RECQL5: variants seen among roughly 807,000 people sequenced by gnomAD.
RECQL5 encodes ATP-dependent DNA helicase Q5.
RECQL5 carries 88 observed loss-of-function variants against 103.4 expected under a neutral mutation model. That is an observed-to-expected ratio of 0.85 (90% confidence interval 0.72 to 1.02). The LOEUF is 1.02. RECQL5 is among the 50% of genes least tolerant of loss of function. The probability of loss-of-function intolerance (pLI) is 0.00; values close to 1 mark genes in which losing one functional copy is unlikely to be tolerated. For synonymous variants in RECQL5, 552 were observed against 507.9 expected, an observed-to-expected ratio of 1.09 and a Z score of -1.17; for missense variants, 1,232 against 1,284.3, an observed-to-expected ratio of 0.96 and a Z score of 0.62.
At chr17:75,644,239 A>T (rs1312539324) in intron 8 of RECQL5, among the ~76,000 whole-genome samples, 3 of 152,162 alleles carry the variant, frequency 2.0e-5, no homozygotes, top group African/African-American at 7.2e-5. Context: ...CAGGAGGCAG[A>T]GGTTGCAGTG....
chr17:75,637,004 CTT>C (rs2059336012), intron 8 of RECQL5: 4 of 152,280 alleles, frequency 2.6e-5, no homozygotes, highest in Non-Finnish European at 4.4e-5. Flanking sequence ...GGAACTGACA[CTT>C]TTCCCCGCTG....
rs200429994 is a variant in RECQL5, at chr17:75,629,248, C to T, written c.2175G>A (p.Gly725=). 5.5e-5 allele frequency: 88 copies of T among 1,611,958 alleles called. No individual in the cohort carries two copies. In the East Asian group the frequency reaches 1.8e-3, roughly 34 times the overall value. ...TTTTTGCCTTCTTCTCAGGGGAGGGCCCCCCATAGTGAGCGCTGCCTCCAG... is the reference window on the plus strand; with the variant it reads ...TTTTTGCCTTCTTCTCAGGGGAGGGTCCCCCATAGTGAGCGCTGCCTCCAG... The part of the protein sequence containing the change: ...EVPGGSAHYG[G]PSPEKKAKSS... Residue 725 remains glycine, a synonymous_variant, in exon 16 of 20, where the codon GGG becomes GGA. Coordinates refer to ENST00000317905, the MANE Select transcript of RECQL5 (RefSeq NM_004259.7).
At chr17:75,663,433 G>C (rs2059725639) in intron 3 of RECQL5, among the ~76,000 whole-genome samples, 1 of 151,972 alleles carries the variant, frequency 6.6e-6, no homozygotes, top group Admixed American at 6.6e-5. Flanking sequence ...TGAAAAAACA[G>C]TTTTGGCTGA....
At chr17:75,650,595 G>T in intron 8 of RECQL5, 1 of 1,591,588 alleles carries the variant, frequency 6.3e-7, no homozygotes, top group South Asian at 1.1e-5. Context: ...GAGCTTTTTA[G>T]ACCAAAATGT....
At position 75,628,369 on chromosome 17, in the gene RECQL5, C is replaced by A; in HGVS notation, c.2654G>T (p.Gly885Val). 1.2e-6 allele frequency: 2 copies of A among 1,614,078 alleles called. No individual in the cohort carries two copies. Among genetic ancestry groups the A allele is most frequent in the Non-Finnish European group, 1.7e-6 (2 of 1,180,036 alleles). The stretch of plus-strand genomic sequence containing the variant: ...GCCCTGTTCGCTGGCCGAGACGCTG[C>A]CCTTGACCTCAGCTACGACGGAGGG... ...AKPSVVAEVK[G>V]SVSASEQGTL... The change falls in exon 18 of 20, where the codon GGC (glycine) becomes GTC (valine). Residue 885 changes from glycine (G) to valine (V), a missense_variant. Transcript: ENST00000317905.
intron 8 of RECQL5, chr17:75,639,925 G>A: frequency 5.4e-6 from 2 of 367,924 alleles, no homozygotes; most frequent in East Asian, 4.7e-5. Context: ...CGCCGCCTTG[G>A]CCGGCAGCCC....
Position 75,627,146 on chromosome 17 carries a change from C to T in RECQL5, c.*276G>A. 5.3e-6 allele frequency: 3 copies of T among 569,016 alleles called. No homozygotes were observed. The highest frequency in any genetic ancestry group is 3.3e-6 in the Non-Finnish European group (1 of 300,420). The allele number at this position is 569,016 out of a possible 1,614,324, so 35.2% of individuals were successfully genotyped here. ...CTTCCCCTTCTTCCAGCAGCAGCTCCACCACCCTCCACCTTCTGTCCTCGA... is the reference window on the plus strand; with the variant it reads ...CTTCCCCTTCTTCCAGCAGCAGCTCTACCACCCTCCACCTTCTGTCCTCGA... On this transcript the variant is annotated 3_prime_UTR_variant, in exon 20 of 20. Transcript: ENST00000317905.
rs562446428 is a variant in RECQL5 at position 75,651,370 on chromosome 17, C to A, written c.1150-105G>T. 1.1e-5 allele frequency: 15 copies of A among 1,331,036 alleles called. No homozygotes were observed. In the East Asian group the frequency reaches 3.5e-4, roughly 31 times the overall value. 82.5% of individuals were successfully genotyped at this position (1,331,036 alleles called of 1,614,324 possible). ...AGTGCGGTGGCTCACGGCTGTAATC[C>A]CAGCACTTTGGGAGGCTGAGCCAGG... On this transcript the variant is annotated intron_variant, in intron 7 of 19. Transcript: ENST00000317905.
chr17:75,654,845 T>A (rs2059596732), intron 7 of RECQL5, among the ~76,000 whole-genome samples: 1 of 152,132 alleles, frequency 6.6e-6, no homozygotes, highest in Non-Finnish European at 1.5e-5. Context: ...CAGGTTGGAG[T>A]GCAATGGTAT....
chr17:75,655,435 C>T (rs2059606485), intron 7 of RECQL5, among the ~76,000 whole-genome samples: 1 of 147,962 alleles, frequency 6.8e-6, no homozygotes, highest in Non-Finnish European at 1.5e-5. Context: ...GCAATCTGGG[C>T]TCACTGCAAG....
At chr17:75,639,742 G>C (rs1291615932) in intron 8 of RECQL5, 1 of 155,346 alleles carries the variant, frequency 6.4e-6, no homozygotes, top group Non-Finnish European at 1.4e-5. Context: ...GCTCTCGGGA[G>C]AACCTGCTCC....
chr17:75,648,854 T>TG (rs1485075539), intron 8 of RECQL5: 2 of 148,856 alleles, frequency 1.3e-5, no homozygotes, highest in African/African-American at 2.5e-5. Context: ...GTTTTTTGGT[T>TG]TTTTTTTTTT....
At chr17:75,663,343 C>T (rs1303423083) in intron 3 of RECQL5, among the ~76,000 whole-genome samples, 1 of 151,784 alleles carries the variant, frequency 6.6e-6, no homozygotes, top group Non-Finnish European at 1.5e-5. Context: ...ATAATTTTGA[C>T]ATGACGTTGT....
intron 8 of RECQL5, chr17:75,635,800 A>C: frequency 1.0e-6 from 1 of 985,448 alleles, no homozygotes; most frequent in Non-Finnish European, 1.2e-6. Context: ...CGCTGCCAAC[A>C]CACCTCGCTT....
intron 8 of RECQL5, 197 bp downstream of exon 8, chr17:75,650,989 C>A: frequency 1.3e-6 from 2 of 1,503,252 alleles, no homozygotes; most frequent in African/African-American, 1.4e-5. Flanking sequence ...CAAATCCCCA[C>A]ACTGCGAGAG....
rs114006033 is a variant in RECQL5, at chr17:75,652,291, G to A, written c.1150-1026C>T. Among the ~76,000 whole-genome samples, 1,247 of 152,234 alleles carry A rather than the reference G, an allele frequency of 8.2e-3. 12 individuals are homozygous for A. The highest frequency in any genetic ancestry group is 0.026 in the African/African-American group (1,077 of 41,536). ...GCCGACTCAGAAACCCATGTGGGGT[G>A]GGGGTGGGCAGCTGCCAGCTACACC... On this transcript the variant is annotated intron_variant, in intron 7 of 19. Transcript: ENST00000317905.
rs770231596 is a variant in RECQL5 at position 75,664,976 on chromosome 17, G to C, written c.252+75C>G. Reference sequence around the variant, plus strand: ...AAATAAGAGGCAAAAGACCAATAGAGAAGTGAAATTTCCAGCCTCAAAAAA... The same window carrying C: ...AAATAAGAGGCAAAAGACCAATAGACAAGTGAAATTTCCAGCCTCAAAAAA... On this transcript the variant is annotated intron_variant, in intron 3 of 19. Transcript: ENST00000317905. 3.9e-5 allele frequency: 57 copies of C among 1,451,228 alleles called. 1 individual carries two copies. The Middle Eastern group carries it at 4.7e-3, about 119-fold the overall frequency. 89.9% of individuals were successfully genotyped at this position (1,451,228 alleles called of 1,614,324 possible).
chr17:75,628,896 T>C, intron 16 of RECQL5, 38 bp downstream of exon 16: 1 of 1,582,986 alleles, frequency 6.3e-7, no homozygotes, highest in Middle Eastern at 1.7e-4. Context: ...TGCTGCCGTG[T>C]AGGTTCCAGA....
At chr17:75,634,160 C>T (rs895912512) in intron 8 of RECQL5, 8 of 985,370 alleles carry the variant, frequency 8.1e-6, no homozygotes, top group Admixed American at 6.1e-5. Context: ...GGAGGCTCCG[C>T]GCTGGGGCAC....
Sources: gnomAD v4.1 joint callset for allele counts (sites outside exome capture counted in the v4.1 genomes callset) on GRCh38, gnomAD v4.1.1 for gene constraint, MANE v1.5 for transcripts, NCBI Gene and HGNC (gene_info 2026-07-23, HGNC 2026-07-21) for gene names.